PPP3R1: variants seen among roughly 807,000 people sequenced by gnomAD.
PPP3R1 encodes the protein calcineurin subunit B type 1.
Under a neutral mutation model 22.6 loss-of-function variants are expected in PPP3R1, and 5 were observed. That is an observed-to-expected ratio of 0.22 (90% CI 0.12 to 0.46). PPP3R1 has a LOEUF of 0.46. PPP3R1 is among the 20% of genes least tolerant of loss of function. The pLI is 0.99. For synonymous variants in PPP3R1, 56 were observed against 65.2 expected, an observed-to-expected ratio of 0.86 and a Z score of 0.68; for missense variants, 61 against 203.2, an observed-to-expected ratio of 0.30 and a Z score of 4.25.
At chr2:68,240,023 T>C (rs1231234291) in intron 1 of PPP3R1, among the ~76,000 whole-genome samples, 1 of 152,256 alleles carries the variant, frequency 6.6e-6, no homozygotes, top group East Asian at 1.9e-4. Flanking sequence ...TGTAGGCTAA[T>C]GTAAGTGTTC....
intron 1 of PPP3R1, among the ~76,000 whole-genome samples, chr2:68,242,244 T>C (rs184724748): frequency 2.6e-5 from 4 of 152,120 alleles, no homozygotes; most frequent in East Asian, 1.9e-4. Context: ...CTGATCAACA[T>C]GGTGAAACCC....
intron 2 of PPP3R1, among the ~76,000 whole-genome samples, chr2:68,205,016 T>C (rs1316120684): frequency 1.3e-5 from 2 of 152,206 alleles, no homozygotes; most frequent in African/African-American, 4.8e-5. Context: ...GATTTTATTC[T>C]TGGTTACTTC....
intron 2 of PPP3R1, among the ~76,000 whole-genome samples, chr2:68,207,100 G>A (rs1675142697): frequency 9.2e-6 from 1 of 109,210 alleles, no homozygotes; most frequent in Non-Finnish European, 2.1e-5. Flanking sequence ...AAGAGGTTTT[G>A]GGAAAAAAAA....
intron 5 of PPP3R1, among the ~76,000 whole-genome samples, chr2:68,184,652 A>G (rs1023963907): frequency 1.3e-5 from 2 of 152,230 alleles, no homozygotes; most frequent in African/African-American, 4.8e-5. Context: ...ATAGCTTGAG[A>G]AGTCAACATA....
At chr2:68,198,597 G>A (rs776071899) in intron 2 of PPP3R1, among the ~76,000 whole-genome samples, 8 of 151,680 alleles carry the variant, frequency 5.3e-5, no homozygotes, top group East Asian at 1.9e-4. Context: ...TATGTTTTAT[G>A]GTAAATCTTT....
intron 1 of PPP3R1, among the ~76,000 whole-genome samples, chr2:68,222,599 G>T (rs1669704151): frequency 6.6e-6 from 1 of 152,176 alleles, no homozygotes. Flanking sequence ...CTGGTTCTCA[G>T]GCCTTCAGAC....
intron 1 of PPP3R1, among the ~76,000 whole-genome samples, chr2:68,235,546 C>A (rs58916116): frequency 6.6e-6 from 1 of 152,060 alleles, no homozygotes; most frequent in East Asian, 1.9e-4. Flanking sequence ...CAACACACTT[C>A]TTTTTACTAA....
At position 68,250,881 on chromosome 2, in the gene PPP3R1, T is replaced by C. The variant is rs568486952; in HGVS notation, c.3+1244A>G. 145 of 152,334 alleles carry C rather than the reference T, an allele frequency of 9.5e-4. 1 individual carries two copies. The highest frequency in any genetic ancestry group is 3.3e-3 in the African/African-American group (136 of 41,558). 9.4% of individuals were successfully genotyped at this position (152,334 alleles called of 1,614,324 possible). A position where few individuals can be genotyped will look rare whatever the true frequency, so the allele number is the denominator to read the frequency against. On this transcript the variant is annotated intron_variant, in intron 1 of 5. Coordinates refer to ENST00000234310, the MANE Select transcript of PPP3R1 (RefSeq NM_000945.4). ...ATTTCACCAAATCGATTTTAAGTTG[T>C]AAGCAACAGCATTCCTCCCTTCAGT... is the stretch of plus-strand genomic sequence containing the variant.
At chr2:68,205,242 CT>C (rs397984912) in intron 2 of PPP3R1, among the ~76,000 whole-genome samples, 26,384 of 123,012 alleles carry the variant, frequency 0.21, 1,230 homozygotes, top group African/African-American at 0.24. Flanking sequence ...TCAGTATTAT[CT>C]TTTTTTTTTT....
chr2:68,184,564 T>C (rs1012975884), intron 5 of PPP3R1, among the ~76,000 whole-genome samples: 4 of 152,202 alleles, frequency 2.6e-5, no homozygotes, highest in Non-Finnish European at 5.9e-5. Context: ...ATTATTTGTA[T>C]ACATTAAGTA....
intron 2 of PPP3R1, among the ~76,000 whole-genome samples, chr2:68,211,689 AC>A (rs1669490959): frequency 6.6e-6 from 1 of 152,190 alleles, no homozygotes; most frequent in Non-Finnish European, 1.5e-5. Flanking sequence ...ATCTTTTCAA[AC>A]CCTGCTGCTG....
Position 68,180,959 on chromosome 2 carries a change from A to G in PPP3R1, c.*4T>C. 1 of 1,611,978 alleles carries G rather than the reference A, an allele frequency of 6.2e-7. No individual in the cohort carries two copies. Among genetic ancestry groups the G allele is most frequent in the Non-Finnish European group, 8.5e-7 (1 of 1,178,150 alleles). ...AAGTGTTGGGTGGTACTCTCTGATA[A>G]GAGTCACACATCTACCACCATCTTT... On this transcript the variant is annotated 3_prime_UTR_variant, in exon 6 of 6. Coordinates refer to ENST00000234310, the MANE Select transcript of PPP3R1 (RefSeq NM_000945.4).
intron 1 of PPP3R1, among the ~76,000 whole-genome samples, chr2:68,222,518 C>T (rs1395083205): frequency 6.6e-6 from 1 of 152,142 alleles, no homozygotes; most frequent in African/African-American, 2.4e-5. Flanking sequence ...AACAAAAAGG[C>T]AGAAGATTGA....
chr2:68,186,655 A>G lies in PPP3R1; in HGVS notation c.281-3T>C, dbSNP rs1290145599. ...CATGTCATAGATACGGAAAGCAACT[A>G]AAAAAAAGGAAGGAAAATCAATTCC... On this transcript the variant is annotated splice_polypyrimidine_tract_variant and splice_region_variant and intron_variant, in intron 4 of 5. Coordinates refer to ENST00000234310, the MANE Select transcript of PPP3R1 (RefSeq NM_000945.4). 1 of 1,582,184 alleles carries G rather than the reference A, an allele frequency of 6.3e-7. No homozygotes were observed. The highest frequency in any genetic ancestry group is 8.6e-7 in the Non-Finnish European group (1 of 1,162,526).
chr2:68,201,256 C>CT (rs1240081345), intron 2 of PPP3R1, among the ~76,000 whole-genome samples: 1 of 152,044 alleles, frequency 6.6e-6, no homozygotes. Context: ...CCCTATTTTC[C>CT]TTTAAAAAAA....
At position 68,223,712 on chromosome 2, in the gene PPP3R1, T is replaced by C. The variant is rs1336049218; in HGVS notation, c.4-6581A>G. Reference sequence around the variant, plus strand: ...CTATTTCTCTATCTATAAAAGGTTATCTACAAAAATTCTTCAAAAAGTGTC... The same window carrying C: ...CTATTTCTCTATCTATAAAAGGTTACCTACAAAAATTCTTCAAAAAGTGTC... On this transcript the variant is annotated intron_variant, in intron 1 of 5. Coordinates refer to ENST00000234310, the MANE Select transcript of PPP3R1 (RefSeq NM_000945.4). 2.6e-5 allele frequency among the ~76,000 whole-genome samples: 4 copies of C among 151,784 alleles called. No individual in the cohort carries two copies. In the East Asian group the frequency reaches 7.7e-4, roughly 29 times the overall value.
chr2:68,224,858 T>TA (rs953922845), intron 1 of PPP3R1, among the ~76,000 whole-genome samples: 17 of 151,750 alleles, frequency 1.1e-4, no homozygotes, highest in East Asian at 7.7e-4. Flanking sequence ...ATATGCAATT[T>TA]AAAAAAAATG....
At chr2:68,202,053 C>T (rs1427515297) in intron 2 of PPP3R1, among the ~76,000 whole-genome samples, 1 of 151,476 alleles carries the variant, frequency 6.6e-6, no homozygotes, top group Non-Finnish European at 1.5e-5. Flanking sequence ...TGATTATTTC[C>T]CCTTCTATGT....
intron 1 of PPP3R1, among the ~76,000 whole-genome samples, chr2:68,217,343 T>G (rs550104437): frequency 6.6e-6 from 1 of 152,294 alleles, no homozygotes; most frequent in South Asian, 2.1e-4. Context: ...TTCTGACTTA[T>G]GACTCTGTCA....
Sources: gnomAD v4.1 joint callset for allele counts (sites outside exome capture counted in the v4.1 genomes callset) on GRCh38, gnomAD v4.1.1 for gene constraint, MANE v1.5 for transcripts, NCBI Gene and HGNC (gene_info 2026-07-23, HGNC 2026-07-21) for gene names.